The following TRPS1 variants were observed in gnomAD, a reference collection of about 807,000 sequenced individuals.
TRPS1 encodes transcriptional repressor GATA binding 1, also known as zinc finger transcription factor Trps1.
Under a neutral mutation model 101.2 loss-of-function variants are expected in TRPS1, and 6 were observed. The observed-to-expected ratio is 0.06, with a 90% CI of 0.03 to 0.12. The LOEUF is 0.12. Among genes scored for constraint, TRPS1 ranks in the 10% least tolerant of loss-of-function variants. The probability of loss-of-function intolerance (pLI) is 1.00; values close to 1 mark genes in which losing one functional copy is unlikely to be tolerated. For synonymous variants in TRPS1, 578 were observed against 589.8 expected (o/e 0.98, Z 0.29); for missense variants, 1,363 against 1,567.0 (o/e 0.87, Z 2.20).
chr8:115,635,744 A>G (rs56354036), intron 1 of TRPS1, among the ~76,000 whole-genome samples: 24,087 of 152,166 alleles, frequency 0.16, 6,307 homozygotes, highest in African/African-American at 0.54. Context: ...GGAAAGGCCC[A>G]GATGAAGAGA....
At chr8:115,516,994 TA>T (rs952008666) in intron 5 of TRPS1, among the ~76,000 whole-genome samples, 235 of 144,600 alleles carry the variant, frequency 1.6e-3, no homozygotes, top group Middle Eastern at 3.7e-3. Flanking sequence ...GGTTAGTGGT[TA>T]AAAAAAAAAA....
At chr8:115,443,945 T>A (rs77057025) in intron 5 of TRPS1, among the ~76,000 whole-genome samples, 1 of 152,188 alleles carries the variant, frequency 6.6e-6, no homozygotes, top group Non-Finnish European at 1.5e-5. Flanking sequence ...TCTAAAAACA[T>A]AGATTTACAA....
intron 5 of TRPS1, among the ~76,000 whole-genome samples, chr8:115,514,871 C>T (rs1815672023): frequency 6.6e-6 from 1 of 151,580 alleles, no homozygotes; most frequent in South Asian, 2.1e-4. Flanking sequence ...AAATGTATGA[C>T]TTCTACCATC....
Position 115,579,871 on chromosome 8 carries a change from G to A in TRPS1, c.2700+7130C>T, listed in dbSNP as rs576952488. Among the ~76,000 whole-genome samples, 88 of 152,106 alleles carry A rather than the reference G, an allele frequency of 5.8e-4. 1 individual carries two copies. Among genetic ancestry groups the A allele is most frequent in the Admixed American group, 9.2e-4 (14 of 15,258 alleles). On this transcript the variant is annotated intron_variant, in intron 5 of 6. Coordinates refer to ENST00000395715, the MANE Select transcript of TRPS1 (RefSeq NM_014112.5). ...GGGAGGCATTTAATCATTCTGAGAT[G>A]AACAATGATGCCAAACGCTCAATTT...
At chr8:115,651,609 T>C (rs1811560209) in intron 1 of TRPS1, among the ~76,000 whole-genome samples, 2 of 152,208 alleles carry the variant, frequency 1.3e-5, no homozygotes, top group South Asian at 2.1e-4. Flanking sequence ...CTCAGGTTCA[T>C]GATGCCCGGT....
At chr8:115,652,111 T>C (rs1811572979) in intron 1 of TRPS1, among the ~76,000 whole-genome samples, 2 of 152,078 alleles carry the variant, frequency 1.3e-5, no homozygotes, top group Admixed American at 1.3e-4. Flanking sequence ...AATGATAGAC[T>C]AGAACAAGTG....
intron 5 of TRPS1, among the ~76,000 whole-genome samples, chr8:115,473,908 C>T (rs1814534133): frequency 6.6e-6 from 1 of 152,128 alleles, no homozygotes; most frequent in African/African-American, 2.4e-5. Context: ...GAATAAGCTG[C>T]TGTTCTCTGA....
intron 5 of TRPS1, among the ~76,000 whole-genome samples, chr8:115,551,891 A>G (rs1219600285): frequency 6.6e-6 from 1 of 152,206 alleles, no homozygotes; most frequent in African/African-American, 2.4e-5. Flanking sequence ...GCAGAAAAGC[A>G]GGCCAGTCCG....
At chr8:115,491,216 C>G (rs946012132) in intron 5 of TRPS1, among the ~76,000 whole-genome samples, 2 of 152,138 alleles carry the variant, frequency 1.3e-5, no homozygotes, top group African/African-American at 4.8e-5. Context: ...TTGAGGAGAC[C>G]TTTGTCTTTG....
At chr8:115,435,454 T>C (rs1337031947) in intron 5 of TRPS1, among the ~76,000 whole-genome samples, 1 of 152,094 alleles carries the variant, frequency 6.6e-6, no homozygotes, top group Non-Finnish European at 1.5e-5. Context: ...GCACATGCTA[T>C]CCCTTTACTG....
chr8:115,448,355 T>C (rs151124248), intron 5 of TRPS1, among the ~76,000 whole-genome samples: 27 of 152,330 alleles, frequency 1.8e-4, no homozygotes, highest in East Asian at 9.6e-4. Context: ...ATATGGATAA[T>C]TGCCTTCACA....
chr8:115,479,161 C>G (rs1442167078), intron 5 of TRPS1, among the ~76,000 whole-genome samples: 1 of 152,020 alleles, frequency 6.6e-6, no homozygotes, highest in African/African-American at 2.4e-5. Context: ...ACACTTTACA[C>G]AGTCAATAAA....
At chr8:115,578,120 T>A (rs1817362704) in intron 5 of TRPS1, among the ~76,000 whole-genome samples, 1 of 152,218 alleles carries the variant, frequency 6.6e-6, no homozygotes. Context: ...GTAAGCTTAT[T>A]ATACTATTTA....
chr8:115,442,217 T>C lies in TRPS1; in HGVS notation c.2701-23765A>G, dbSNP rs556219830. ...TGGAGAATGGACTTTGAATGTCATA[T>C]ATAGATTCGCTGGTATTATAGAAAC... On this transcript the variant is annotated intron_variant, in intron 5 of 6. Coordinates refer to ENST00000395715, the MANE Select transcript of TRPS1 (RefSeq NM_014112.5). 2.0e-5 allele frequency among the ~76,000 whole-genome samples: 3 copies of C among 152,300 alleles called. No homozygotes were observed. The East Asian group carries it at 5.8e-4, about 29-fold the overall frequency.
rs33922102 is a variant in TRPS1, at chr8:115,475,266, T to TTATATATATA, written c.2701-56824_2701-56815dup. Among the ~76,000 whole-genome samples the TTATATATATA allele has an allele frequency of 2.7e-3, 338 of 123,918 alleles. 4 individuals carry two copies. Among genetic ancestry groups the TTATATATATA allele is most frequent in the African/African-American group, 9.3e-3 (268 of 28,874 alleles). The allele number at this position is 123,918 out of a possible 152,430, so 81.3% of individuals were successfully genotyped here. The stretch of plus-strand genomic sequence containing the variant: ...TTTACTATATATTTTTGAATCACAG[T>TTATATATATA]TATATATATATATATATATATATAT... On this transcript the variant is annotated intron_variant, in intron 5 of 6. Transcript: ENST00000395715.
intron 3 of TRPS1, among the ~76,000 whole-genome samples, chr8:115,609,457 G>A (rs1449456501): frequency 1.3e-5 from 2 of 152,094 alleles, no homozygotes. Context: ...AAGAAAGCAG[G>A]AGTTCAATGC....
At chr8:115,558,973 C>T (rs949532418) in intron 5 of TRPS1, among the ~76,000 whole-genome samples, 4 of 152,054 alleles carry the variant, frequency 2.6e-5, no homozygotes, top group Admixed American at 2.6e-4. Flanking sequence ...TATCAGAATA[C>T]CCGTGGTTAT....
chr8:115,436,512 G>A (rs1246511248), intron 5 of TRPS1, among the ~76,000 whole-genome samples: 1 of 152,136 alleles, frequency 6.6e-6, no homozygotes, highest in Admixed American at 6.5e-5. Flanking sequence ...ACTGGCTCTG[G>A]TGTACAGCAG....
At position 115,541,848 on chromosome 8, in the gene TRPS1, T is replaced by C. The variant is rs189057852; in HGVS notation, c.2700+45153A>G. On this transcript the variant is annotated intron_variant, in intron 5 of 6. Transcript: ENST00000395715. Reference sequence around the variant, plus strand: ...TAAGTGAAATGTCAGACATAAACTGTGCCAGAACCCTTATATCCACACACA... The same window carrying C: ...TAAGTGAAATGTCAGACATAAACTGCGCCAGAACCCTTATATCCACACACA... Among the ~76,000 whole-genome samples, 145 of 152,308 alleles carry C rather than the reference T, an allele frequency of 9.5e-4. 1 individual carries two copies. The highest frequency in any genetic ancestry group is 3.4e-3 in the African/African-American group (143 of 41,560).
Sources: gnomAD v4.1 joint callset for allele counts (sites outside exome capture counted in the v4.1 genomes callset) on GRCh38, gnomAD v4.1.1 for gene constraint, MANE v1.5 for transcripts, NCBI Gene and HGNC (gene_info 2026-07-23, HGNC 2026-07-21) for gene names.